Variants in CEP89 observed in about 807,000 individuals in gnomAD.
CEP89 encodes centrosomal protein of 89 kDa.
A neutral mutation model predicts 97.6 loss-of-function variants in CEP89; 95 were observed. The observed-to-expected ratio is 0.97, with a 90% CI of 0.82 to 1.15. CEP89 has a LOEUF of 1.15. Ranked by LOEUF, CEP89 falls within the 50% of genes most tolerant of loss-of-function variation. CEP89 has a pLI of 0.00. For synonymous variants in CEP89, 354 were observed against 349.1 expected, an observed-to-expected ratio of 1.01 and a Z score of -0.16; for missense variants, 869 against 947.7, an observed-to-expected ratio of 0.92 and a Z score of 1.09.
chr19:32,957,417 C>CA (rs61433192), intron 3 of CEP89, among the ~76,000 whole-genome samples: 119,326 of 152,078 alleles, frequency 0.78, 47,286 homozygotes, highest in African/African-American at 0.9. Context: ...CCTATAATCC[C>CA]GCACTTTGGG....
At chr19:32,950,649 A>G (rs28581517) in intron 4 of CEP89, among the ~76,000 whole-genome samples, 54,057 of 152,112 alleles carry the variant, frequency 0.36, 9,825 homozygotes, top group Admixed American at 0.48. Flanking sequence ...TGGTACATAT[A>G]CCCTATGACC....
intron 7 of CEP89, among the ~76,000 whole-genome samples, chr19:32,934,025 G>C (rs1970530519): frequency 6.6e-6 from 1 of 152,222 alleles, no homozygotes; most frequent in Non-Finnish European, 1.5e-5. Context: ...AGGCCAGCAG[G>C]GAAGAAGGCA....
At chr19:32,909,569 CAG>C (rs1383798130) in intron 14 of CEP89, among the ~76,000 whole-genome samples, 6 of 152,098 alleles carry the variant, frequency 3.9e-5, no homozygotes, top group African/African-American at 7.2e-5. Flanking sequence ...ACTGAGATAA[CAG>C]AGGACTAAGG....
Position 32,931,562 on chromosome 19 carries a change from G to C in CEP89, c.896C>G (p.Pro299Arg). Residue 299 changes from proline to arginine, a missense_variant, in exon 9 of 19, where the codon CCT becomes CGT. Coordinates refer to ENST00000305768, the MANE Select transcript of CEP89 (RefSeq NM_032816.5). The stretch of plus-strand genomic sequence containing the variant: ...TTGTTTTCGCAGATAAAGTAATTCA[G>C]GTGCAGCAACTAGGGAAAAAAATTT... ...EKASSQEVAAPELLYLRKQAQ... is the reference protein window; with the variant it reads ...EKASSQEVAARELLYLRKQAQ... 1 of 1,578,148 alleles carries C rather than the reference G, an allele frequency of 6.3e-7. No homozygotes were observed. The highest frequency in any genetic ancestry group is 1.2e-5 in the South Asian group (1 of 83,012).
intron 14 of CEP89, among the ~76,000 whole-genome samples, chr19:32,909,938 A>G (rs1298262429): frequency 6.6e-6 from 1 of 152,172 alleles, no homozygotes; most frequent in Admixed American, 6.5e-5. Flanking sequence ...ACACCTACAC[A>G]TATTCTAATG....
chr19:32,900,087 G>T, intron 15 of CEP89, 89 bp from the exon 16 acceptor site: 1 of 1,219,016 alleles, frequency 8.2e-7, no homozygotes, highest in Non-Finnish European at 1.2e-6. Flanking sequence ...AAAACAGCAA[G>T]TATGTTAGCA....
In CEP89 at chr19:32,879,014, C is replaced by A; in HGVS notation, c.*148G>T. Reference sequence around the variant, plus strand: ...AGCAAAATGTTATCAATGGATTAAACTATGAGACCATTTATTTCTTCCCTG... The same window carrying A: ...AGCAAAATGTTATCAATGGATTAAAATATGAGACCATTTATTTCTTCCCTG... On this transcript the variant is annotated 3_prime_UTR_variant, in exon 19 of 19. Transcript: ENST00000305768. 1.8e-6 allele frequency: 1 copy of A among 559,954 alleles called. No homozygotes were observed. The highest frequency in any genetic ancestry group is 2.9e-5 in the South Asian group (1 of 34,398). The allele number at this position is 559,954 out of a possible 1,614,324, so 34.7% of individuals were successfully genotyped here.
intron 3 of CEP89, among the ~76,000 whole-genome samples, chr19:32,954,086 G>A (rs1212309233): frequency 6.6e-6 from 1 of 151,774 alleles, no homozygotes; most frequent in Non-Finnish European, 1.5e-5. Flanking sequence ...TGTTAGCCAC[G>A]GTGGTCTCGA....
chr19:32,929,734 C>T (rs889726966), intron 9 of CEP89, among the ~76,000 whole-genome samples: 12 of 152,158 alleles, frequency 7.9e-5, no homozygotes, highest in Non-Finnish European at 1.2e-4. Flanking sequence ...CCTGTCTGCC[C>T]GCCCCATGGT....
At chr19:32,931,148 TGAAAGTGCTGG>T in intron 9 of CEP89, 1 of 405,102 alleles carries the variant, frequency 2.5e-6, no homozygotes, top group Non-Finnish European at 4.3e-6. Flanking sequence ...CCTCAGCCTC[TGAAAGTGCTGG>T]GATTATAGGC....
chr19:32,951,556 C>CAT (rs1368052787), intron 4 of CEP89, among the ~76,000 whole-genome samples: 3 of 150,810 alleles, frequency 2.0e-5, no homozygotes, highest in African/African-American at 7.3e-5. Flanking sequence ...CACACACACA[C>CAT]ACACACACAC....
chr19:32,962,784 G>C (rs1466635875), intron 2 of CEP89, among the ~76,000 whole-genome samples: 4 of 152,084 alleles, frequency 2.6e-5, no homozygotes, highest in African/African-American at 9.7e-5. Flanking sequence ...TGGAAAACAA[G>C]CCAGGGCTGT....
intron 16 of CEP89, among the ~76,000 whole-genome samples, chr19:32,894,600 T>C (rs1969600564): frequency 6.6e-6 from 1 of 152,210 alleles, no homozygotes; most frequent in Non-Finnish European, 1.5e-5. Flanking sequence ...CTCATTTTAA[T>C]AGTAAAAAAC....
chr19:32,930,327 C>T (rs188421758), intron 9 of CEP89, among the ~76,000 whole-genome samples: 1 of 152,096 alleles, frequency 6.6e-6, no homozygotes, highest in Admixed American at 6.6e-5. Context: ...CATGCCCAGC[C>T]AACATTTCTT....
chr19:32,959,684 G>T (rs1033825192), intron 3 of CEP89, among the ~76,000 whole-genome samples: 1 of 152,158 alleles, frequency 6.6e-6, no homozygotes, highest in African/African-American at 2.4e-5. Flanking sequence ...AATCCAGATC[G>T]CAGAGCAATT....
Position 32,933,630 on chromosome 19 carries a change from G to A in CEP89, c.707C>T (p.Thr236Ile), listed in dbSNP as rs778450341. The A allele has an allele frequency of 2.5e-6, 4 of 1,612,760 alleles. No homozygotes were observed. The highest frequency in any genetic ancestry group is 3.4e-6 in the Non-Finnish European group (4 of 1,178,892). ...TTTTAATGCCTCAAACTTTTCTCTGGTTATTTCTGTATATCTTTGACGTGC... is the reference window on the plus strand; with the variant it reads ...TTTTAATGCCTCAAACTTTTCTCTGATTATTTCTGTATATCTTTGACGTGC... Reference protein sequence around the residue: ...GRARQRYTEITREKFEALKEE... With the variant: ...GRARQRYTEIIREKFEALKEE... Residue 236 changes from threonine (T) to isoleucine (I), a missense_variant, in exon 8 of 19, where the codon ACC (threonine) becomes ATC (isoleucine). Transcript: ENST00000305768.
chr19:32,879,635 G>A (rs573742035), intron 18 of CEP89, among the ~76,000 whole-genome samples: 10 of 152,288 alleles, frequency 6.6e-5, no homozygotes, highest in African/African-American at 1.4e-4. Flanking sequence ...GCAGCAGGAC[G>A]GCACAGGCAT....
intron 12 of CEP89, among the ~76,000 whole-genome samples, chr19:32,922,498 GAGCC>G (rs1165475596): frequency 1.3e-5 from 2 of 151,828 alleles, no homozygotes; most frequent in Non-Finnish European, 2.9e-5. Context: ...AGGTATGACT[GAGCC>G]ACTGCACTCC....
chr19:32,902,133 A>G (rs1969794236), intron 14 of CEP89, among the ~76,000 whole-genome samples: 1 of 151,920 alleles, frequency 6.6e-6, no homozygotes, highest in Non-Finnish European at 1.5e-5. Context: ...TTTAAAAAAA[A>G]CCTGCTAAAA....
Sources: gnomAD v4.1 joint callset for allele counts (sites outside exome capture counted in the v4.1 genomes callset) on GRCh38, gnomAD v4.1.1 for gene constraint, MANE v1.5 for transcripts, NCBI Gene and HGNC (gene_info 2026-07-23, HGNC 2026-07-21) for gene names.